Variants in ZNF91 observed in about 807,000 individuals in gnomAD.
ZNF91 encodes zinc finger protein 91.
In ZNF91, 7 loss-of-function variants were observed where a neutral mutation model predicts 12.6. The ratio of observed to expected loss-of-function variants is 0.55; its 90% confidence interval spans 0.31 to 1.04. The LOEUF (loss-of-function observed/expected upper bound fraction) is 1.04. Among genes scored for constraint, ZNF91 ranks in the 50% least tolerant of loss-of-function variants. ZNF91 has a pLI of 0.05. For synonymous variants in ZNF91, 453 were observed against 462.6 expected (o/e 0.98, Z 0.27); for missense variants, 1,217 against 1,385.4 (o/e 0.88, Z 1.93).
rs1453219688 is a variant in ZNF91 at position 23,349,005 on chromosome 19, T to G, written c.254-9951A>C. Among the ~76,000 whole-genome samples the G allele has an allele frequency of 2.6e-5, 4 of 152,144 alleles. No individual in the cohort carries two copies. The East Asian group carries it at 7.7e-4, about 29-fold the overall frequency. On this transcript the variant is annotated intron_variant, in intron 3 of 3. Coordinates refer to the ZNF91 transcript ENST00000599743. Reference sequence around the variant, plus strand: ...GCAGTGTCTTCAGGCTTGCTAGGATTGGGAAATTCCAGCCTAGTGAATTCT... The same window carrying G: ...GCAGTGTCTTCAGGCTTGCTAGGATGGGGAAATTCCAGCCTAGTGAATTCT...
chr19:23,368,058 G>A (rs535063294), intron 3 of ZNF91, among the ~76,000 whole-genome samples: 9 of 151,962 alleles, frequency 5.9e-5, no homozygotes, highest in East Asian at 2.0e-4. Flanking sequence ...TACAGGCACC[G>A]GGCACAGCGT....
At chr19:23,393,725 T>C (rs1427010376) in intron 1 of ZNF91, among the ~76,000 whole-genome samples, 1 of 152,022 alleles carries the variant, frequency 6.6e-6, no homozygotes, top group East Asian at 1.9e-4. Flanking sequence ...ATTGGCCAGA[T>C]GCGGTGGCTC....
intron 1 of ZNF91, chr19:23,380,565 A>C (rs1174584724): frequency 1.3e-5 from 2 of 152,194 alleles, no homozygotes; most frequent in African/African-American, 4.8e-5. Flanking sequence ...AGAAAGAAAA[A>C]CAGCTCTCAT....
rs909597687 is a variant in ZNF91, at chr19:23,317,626, G to C, written n.117-8529C>G. The stretch of plus-strand genomic sequence containing the variant: ...GATTGTCATACTGCCACGTGAACAC[G>C]GCCAACTTTTGAGGTTCTGAACGTC... On this transcript the variant is annotated intron_variant and non_coding_transcript_variant, in intron 1 of 1. Transcript: ENST00000596528. 5.9e-5 allele frequency among the ~76,000 whole-genome samples: 9 copies of C among 152,088 alleles called. No homozygotes were observed. The East Asian group carries it at 9.7e-4, about 16-fold the overall frequency.
intron 1 of ZNF91, among the ~76,000 whole-genome samples, chr19:23,319,075 C>T (rs1002575836): frequency 6.6e-6 from 1 of 152,180 alleles, no homozygotes; most frequent in African/African-American, 2.4e-5. Context: ...GGCCCCTCAC[C>T]TAAATGATGC....
At chr19:23,378,298 C>G (rs938525970) in intron 1 of ZNF91, among the ~76,000 whole-genome samples, 1 of 152,124 alleles carries the variant, frequency 6.6e-6, no homozygotes, top group African/African-American at 2.4e-5. Flanking sequence ...GTTAGTTCTG[C>G]GAGGCAAAAC....
intron 1 of ZNF91, chr19:23,384,729 T>C (rs1254144519): frequency 4.9e-6 from 3 of 614,398 alleles, no homozygotes; most frequent in East Asian, 6.0e-5. Context: ...AGCTTTTACC[T>C]GGAAACTAGG....
chr19:23,371,960 T>C (rs897909384), intron 3 of ZNF91, among the ~76,000 whole-genome samples: 1 of 152,198 alleles, frequency 6.6e-6, no homozygotes, highest in Non-Finnish European at 1.5e-5. Flanking sequence ...CTAAATTATG[T>C]ATATATTTAG....
At chr19:23,336,809 G>A (rs1568372181), downstream of ZNF91, among the ~76,000 whole-genome samples, 1 of 151,842 alleles carries the variant, frequency 6.6e-6, no homozygotes, top group South Asian at 2.1e-4. Flanking sequence ...TCTCGCTGTC[G>A]CCCAGGCTGG....
At chr19:23,325,872 C>G (rs1040003203) in intron 1 of ZNF91, 2 of 152,236 alleles carry the variant, frequency 1.3e-5, no homozygotes, top group Non-Finnish European at 2.9e-5. Flanking sequence ...GAAAGCTGCT[C>G]TCATTGTTTG....
rs1263246660 is a variant in ZNF91 at position 23,361,800 on chromosome 19, A to G, written c.1179T>C (p.Leu393=). The change falls in exon 4 of 4, where the codon CTT becomes CTC. Residue 393 remains leucine (L), a synonymous_variant. Transcript: ENST00000300619. ...CDKAFKRLST[L]TKHKIIHAGE... ...CAGCATGTATTATTTTATGTTTAGTAAGGGTTGAGAGTCGCTTAAAAGCTT... is the reference window on the plus strand; with the variant it reads ...CAGCATGTATTATTTTATGTTTAGTGAGGGTTGAGAGTCGCTTAAAAGCTT... The G allele has an allele frequency of 1.2e-6, 2 of 1,608,616 alleles. No homozygotes were observed. The highest frequency in any genetic ancestry group is 1.7e-6 in the Non-Finnish European group (2 of 1,176,358).
intron 1 of ZNF91, among the ~76,000 whole-genome samples, chr19:23,331,637 C>T (rs1489561473): frequency 6.6e-6 from 1 of 152,098 alleles, no homozygotes; most frequent in Non-Finnish European, 1.5e-5. Context: ...TTAAGCAGCT[C>T]TAGATGTAGA....
At chr19:23,369,423 G>A (rs1302812209) in intron 3 of ZNF91, among the ~76,000 whole-genome samples, 1 of 152,008 alleles carries the variant, frequency 6.6e-6, no homozygotes, top group Non-Finnish European at 1.5e-5. Flanking sequence ...CCCCGTCCGG[G>A]AGGTGGAGGG....
Position 23,395,403 on chromosome 19 carries a change from G to A in ZNF91, c.-49C>T. 1.9e-6 allele frequency: 3 copies of A among 1,608,588 alleles called. No individual in the cohort carries two copies. In the East Asian group the frequency reaches 6.7e-5, roughly 36 times the overall value. On this transcript the variant is annotated 5_prime_UTR_variant, in exon 1 of 4. Coordinates refer to ENST00000300619, the MANE Select transcript of ZNF91 (RefSeq NM_003430.4). The stretch of plus-strand genomic sequence containing the variant: ...TGCAGGTCACAGGGCCACACAGGCT[G>A]GGCCTCCTGGAGCAGAGGACACAGA...
Position 23,360,855 on chromosome 19 carries a change from A to T in ZNF91, c.2124T>A (p.His708Gln), listed in dbSNP as rs1388679555. 6.2e-7 allele frequency: 1 copy of T among 1,613,610 alleles called. No homozygotes were observed. The highest frequency in any genetic ancestry group is 8.5e-7 in the Non-Finnish European group (1 of 1,179,850). ...CACATTTGTAGAGTTTCTCTCCAGC[A>T]TGTATTATTTTATGTTTAGTAAGGG... ...LSTLTKHKII[H>Q]AGEKLYKCEE... The change falls in exon 4 of 4, where the codon CAT (histidine) becomes CAA (glutamine). Residue 708 changes from histidine (H) to glutamine (Q), a missense_variant. Around this residue, in one of 2 missense-constraint regions of ZNF91, gnomAD observed 726 missense variants for 895.5 expected, o/e 0.81. Transcript: ENST00000300619.
At position 23,373,806 on chromosome 19, in the gene ZNF91, A is replaced by G; in HGVS notation, c.189T>C (p.Thr63=). 1 of 1,611,342 alleles carries G rather than the reference A, an allele frequency of 6.2e-7. No individual in the cohort carries two copies. The highest frequency in any genetic ancestry group is 1.1e-5 in the South Asian group (1 of 90,918). Residue 63 remains threonine, a synonymous_variant, in exon 3 of 4, where the codon ACT becomes ACC. Transcript: ENST00000300619. The part of the protein sequence containing the change: ...GIALSKPDLI[T]YLEQGKEPWN... ...AGGGCTCTTTTCCTTGCTCCAGATAAGTAATCAGGTCTGGCTTAGAGAGAG... is the reference window on the plus strand; with the variant it reads ...AGGGCTCTTTTCCTTGCTCCAGATAGGTAATCAGGTCTGGCTTAGAGAGAG...
chr19:23,392,420 A>G (rs1182225771), intron 1 of ZNF91, among the ~76,000 whole-genome samples: 1 of 151,796 alleles, frequency 6.6e-6, no homozygotes, highest in African/African-American at 2.4e-5. Context: ...AAAAGAAAAA[A>G]AAATAGTCAC....
chr19:23,339,047 G>C (rs935183398), exon 4 of ZNF91: 11 of 142,504 alleles, frequency 7.7e-5, no homozygotes, highest in African/African-American at 2.4e-4. Context: ...GATGGAGCAA[G>C]ACTCCGTCTC....
At chr19:23,341,200 G>A (rs1287091946) in intron 3 of ZNF91, among the ~76,000 whole-genome samples, 1 of 152,018 alleles carries the variant, frequency 6.6e-6, no homozygotes, top group East Asian at 1.9e-4. Context: ...GCAGGCAAGT[G>A]CCACCACGCC....
Sources: gnomAD v4.1 joint callset for allele counts (sites outside exome capture counted in the v4.1 genomes callset) on GRCh38, gnomAD v4.1.1 for gene constraint, gnomAD v4.1.1 regional missense constraint, MANE v1.5 for transcripts, NCBI Gene and HGNC (gene_info 2026-07-23, HGNC 2026-07-21) for gene names.